AGO4: variants seen among roughly 807,000 people sequenced by gnomAD.
The protein encoded by AGO4 is protein argonaute-4.
A neutral mutation model predicts 104.7 loss-of-function variants in AGO4; 33 were observed. The observed-to-expected ratio is 0.32, with a 90% CI of 0.24 to 0.42. The LOEUF (loss-of-function observed/expected upper bound fraction) is 0.42. Among genes scored for constraint, AGO4 ranks in the 10% least tolerant of loss-of-function variants. The pLI is 1.00. For synonymous variants in AGO4, 331 were observed against 364.7 expected (o/e 0.91, Z 1.05); for missense variants, 711 against 1,083.4 (o/e 0.66, Z 4.83).
intron 13 of AGO4, among the ~76,000 whole-genome samples, chr1:35,836,926 T>C (rs1644328239): frequency 6.6e-6 from 1 of 152,220 alleles, no homozygotes; most frequent in African/African-American, 2.4e-5. Flanking sequence ...CTCTATATTC[T>C]TACCAACACT....
intron 3 of AGO4, among the ~76,000 whole-genome samples, chr1:35,823,912 T>G (rs933205018): frequency 2.0e-5 from 3 of 152,130 alleles, no homozygotes; most frequent in African/African-American, 7.2e-5. Flanking sequence ...ATGATAGATT[T>G]GTTATTCTGT....
chr1:35,852,842 G>A (rs1440735498), intron 17 of AGO4, among the ~76,000 whole-genome samples: 2 of 152,186 alleles, frequency 1.3e-5, no homozygotes, highest in Non-Finnish European at 2.9e-5. Flanking sequence ...ACATTTGACT[G>A]AAGCCTAAAG....
At chr1:35,837,639 C>T (rs953874018) in intron 13 of AGO4, among the ~76,000 whole-genome samples, 31 of 152,276 alleles carry the variant, frequency 2.0e-4, no homozygotes, top group African/African-American at 6.0e-4. Context: ...CTCAGCCTCC[C>T]GAAGTGCTGG....
chr1:35,817,564 A>C (rs1643752542), intron 2 of AGO4, among the ~76,000 whole-genome samples: 1 of 152,196 alleles, frequency 6.6e-6, no homozygotes, highest in South Asian at 2.1e-4. Flanking sequence ...TGATGAGATG[A>C]TGTAAGTATT....
intron 15 of AGO4, among the ~76,000 whole-genome samples, chr1:35,846,604 GATAT>G (rs72414122): frequency 0.86 from 120,718 of 140,630 alleles, 52,001 homozygotes; most frequent in Admixed American, 0.91. Flanking sequence ...CTCAAAAAAA[GATAT>G]ATATATATAT....
At chr1:35,847,376 G>A (rs1644597067) in intron 15 of AGO4, among the ~76,000 whole-genome samples, 1 of 152,046 alleles carries the variant, frequency 6.6e-6, no homozygotes, top group Non-Finnish European at 1.5e-5. Context: ...TGGGATTACA[G>A]GCACATGCCA....
chr1:35,844,319 C>G (rs1356033020), intron 15 of AGO4, among the ~76,000 whole-genome samples: 1 of 152,192 alleles, frequency 6.6e-6, no homozygotes, highest in Non-Finnish European at 1.5e-5. Flanking sequence ...TCTAGGATTA[C>G]AGGCGTGAGC....
At chr1:35,838,340 G>A (rs1435666179) in intron 13 of AGO4, among the ~76,000 whole-genome samples, 1 of 152,134 alleles carries the variant, frequency 6.6e-6, no homozygotes. Context: ...ATAGGCATGA[G>A]CCACTATGCC....
chr1:35,851,185 T>C (rs1481622262), intron 17 of AGO4, 132 bp downstream of exon 17: 5 of 889,748 alleles, frequency 5.6e-6, no homozygotes, highest in East Asian at 2.6e-5. Context: ...TAAAATTGCA[T>C]GTGCCTCTGA....
chr1:35,847,497 G>A (rs1467655618), intron 15 of AGO4, among the ~76,000 whole-genome samples: 1 of 152,118 alleles, frequency 6.6e-6, no homozygotes, highest in Admixed American at 6.5e-5. Flanking sequence ...GCCTCCCAAA[G>A]TGCTGGGATT....
chr1:35,811,481 A>G (rs533956574), intron 1 of AGO4, among the ~76,000 whole-genome samples: 4 of 151,936 alleles, frequency 2.6e-5, no homozygotes, highest in African/African-American at 9.7e-5. Context: ...AAAAAAAAAA[A>G]CAAAAACCAA....
At position 35,856,740 on chromosome 1, in the gene AGO4, G is replaced by A. The variant is rs2148696411; in HGVS notation, c.*3135G>A. On this transcript the variant is annotated 3_prime_UTR_variant, in exon 18 of 18. Coordinates refer to ENST00000373210, the MANE Select transcript of AGO4 (RefSeq NM_017629.4). Reference sequence around the variant, plus strand: ...CCAGCTACTCGGGAGGCTGAGGCAGGAGAATTGCTTGAACCCAGGAGGTGG... The same window carrying A: ...CCAGCTACTCGGGAGGCTGAGGCAGAAGAATTGCTTGAACCCAGGAGGTGG... 6.7e-6 allele frequency: 1 copy of A among 148,452 alleles called. No homozygotes were observed. Among genetic ancestry groups the A allele is most frequent in the South Asian group, 2.2e-4 (1 of 4,460 alleles). 9.2% of individuals were successfully genotyped at this position (148,452 alleles called of 1,614,324 possible).
intron 1 of AGO4, among the ~76,000 whole-genome samples, chr1:35,814,927 G>T (rs1321645146): frequency 6.6e-6 from 1 of 152,060 alleles, no homozygotes; most frequent in Non-Finnish European, 1.5e-5. Flanking sequence ...GCCCAGGCTG[G>T]AGTGCAGTGA....
intron 13 of AGO4, among the ~76,000 whole-genome samples, chr1:35,839,189 C>A (rs921685935): frequency 6.6e-6 from 1 of 152,002 alleles, no homozygotes; most frequent in Non-Finnish European, 1.5e-5. Context: ...TCCATGTTGC[C>A]CACACTGGTC....
intron 13 of AGO4, among the ~76,000 whole-genome samples, chr1:35,836,480 G>T (rs1176104857): frequency 1.3e-5 from 2 of 152,248 alleles, no homozygotes; most frequent in Non-Finnish European, 2.9e-5. Flanking sequence ...TGCGATCTCG[G>T]CTTACTGCAA....
At chr1:35,807,819 T>C (rs888335401), upstream of AGO4, among the ~76,000 whole-genome samples, 3 of 152,028 alleles carry the variant, frequency 2.0e-5, no homozygotes, top group African/African-American at 4.8e-5. Flanking sequence ...CACTTTCCAC[T>C]CACAGAAGTG....
Position 35,822,995 on chromosome 1 carries a change from A to C in AGO4, c.306+13A>C. 1 of 1,611,588 alleles carries C rather than the reference A, an allele frequency of 6.2e-7. No homozygotes were observed. The highest frequency in any genetic ancestry group is 8.5e-7 in the Non-Finnish European group (1 of 1,178,246). Reference sequence around the variant, plus strand: ...TGGACGGGATAGGGTAAGTGTTAAGAGCAAGAAATACTTAGTTCATTTAGT... The same window carrying C: ...TGGACGGGATAGGGTAAGTGTTAAGCGCAAGAAATACTTAGTTCATTTAGT... On this transcript the variant is annotated intron_variant, in intron 3 of 17. Transcript: ENST00000373210.
intron 15 of AGO4, among the ~76,000 whole-genome samples, chr1:35,848,186 G>A (rs1644618024): frequency 6.6e-6 from 1 of 152,188 alleles, no homozygotes; most frequent in South Asian, 2.1e-4. Flanking sequence ...TAGCCCTTGA[G>A]TCTGGCATTT....
chr1:35,828,022 G>A (rs1398573699), intron 7 of AGO4, among the ~76,000 whole-genome samples: 1 of 151,644 alleles, frequency 6.6e-6, no homozygotes, highest in African/African-American at 2.4e-5. Flanking sequence ...TGGGACTACA[G>A]GTGTGAACCA....
Sources: allele counts gnomAD v4.1 joint callset (sites outside exome capture counted in the v4.1 genomes callset), GRCh38; gene constraint gnomAD v4.1.1; transcripts MANE v1.5; gene names NCBI Gene and HGNC (gene_info 2026-07-23, HGNC 2026-07-21).